Variants in UBE2E2 observed in about 807,000 individuals in gnomAD.
UBE2E2 encodes the protein ubiquitin-conjugating enzyme E2 E2.
Under a neutral mutation model 24.7 loss-of-function variants are expected in UBE2E2, and 6 were observed. The observed-to-expected ratio is 0.24, with a 90% confidence interval of 0.13 to 0.48. UBE2E2 has a LOEUF of 0.48. Ranked by LOEUF, UBE2E2 falls within the 20% of genes least tolerant of loss-of-function variation. UBE2E2 has a pLI of 0.99. For missense variants in UBE2E2, 169 were observed against 245.0 expected (o/e 0.69, Z 2.07); for synonymous variants, 104 against 83.6 (o/e 1.24, Z -1.33).
At chr3:23,318,173 T>TAATG (rs1370509779) in intron 3 of UBE2E2, among the ~76,000 whole-genome samples, 59 of 152,104 alleles carry the variant, frequency 3.9e-4, no homozygotes, top group African/African-American at 1.3e-3. Flanking sequence ...TTTTTTTTAT[T>TAATG]AATGAATGAA....
At chr3:23,443,695 G>A (rs1698356865) in intron 3 of UBE2E2, among the ~76,000 whole-genome samples, 1 of 152,170 alleles carries the variant, frequency 6.6e-6, no homozygotes, top group Non-Finnish European at 1.5e-5. Context: ...ATTGGTGCTG[G>A]TTAGACAGCT....
intron 3 of UBE2E2, among the ~76,000 whole-genome samples, chr3:23,236,779 G>C (rs1213438750): frequency 6.6e-6 from 1 of 152,102 alleles, no homozygotes; most frequent in Admixed American, 6.6e-5. Context: ...ATTTCCTGTG[G>C]ATGTGTGGAC....
chr3:23,279,991 G>C (rs1698452625), intron 3 of UBE2E2, among the ~76,000 whole-genome samples: 1 of 152,172 alleles, frequency 6.6e-6, no homozygotes, highest in South Asian at 2.1e-4. Context: ...ATTCACCAAT[G>C]CTTAAGATCA....
At chr3:23,513,425 A>G (rs1324815965) in intron 4 of UBE2E2, among the ~76,000 whole-genome samples, 1 of 148,870 alleles carries the variant, frequency 6.7e-6, no homozygotes, top group Non-Finnish European at 1.5e-5. Context: ...ACATAATATT[A>G]TATTGAACAA....
chr3:23,372,749 C>T (rs2125341898), intron 3 of UBE2E2, among the ~76,000 whole-genome samples: 1 of 152,052 alleles, frequency 6.6e-6, no homozygotes, highest in South Asian at 2.1e-4. Context: ...TGTTATTTTT[C>T]CGTTAAGATT....
intron 3 of UBE2E2, among the ~76,000 whole-genome samples, chr3:23,455,058 T>G (rs1698648022): frequency 1.3e-5 from 2 of 151,822 alleles, no homozygotes; most frequent in Admixed American, 1.3e-4. Flanking sequence ...ACAAGAATAG[T>G]TTTAATGCAG....
At chr3:23,544,450 T>G (rs934626238) in intron 5 of UBE2E2, among the ~76,000 whole-genome samples, 9 of 152,208 alleles carry the variant, frequency 5.9e-5, no homozygotes, top group Non-Finnish European at 1.5e-5. Flanking sequence ...TATGTAAAAC[T>G]GCTCAACATT....
chr3:23,364,576 A>G (rs1484442697), intron 3 of UBE2E2, among the ~76,000 whole-genome samples: 7 of 152,204 alleles, frequency 4.6e-5, no homozygotes, highest in Non-Finnish European at 1.0e-4. Context: ...TGAACCAGGA[A>G]GAAGTTGAAT....
intron 3 of UBE2E2, among the ~76,000 whole-genome samples, chr3:23,440,880 G>A (rs1020605313): frequency 2.6e-5 from 4 of 152,018 alleles, no homozygotes; most frequent in South Asian, 2.1e-4. Flanking sequence ...TTCTTGTTAC[G>A]GCAATGTAGC....
chr3:23,426,244 G>C (rs1188250385), intron 3 of UBE2E2, among the ~76,000 whole-genome samples: 1 of 151,968 alleles, frequency 6.6e-6, no homozygotes, highest in East Asian at 1.9e-4. Context: ...GAATATCCAA[G>C]AACTGTGGAA....
At chr3:23,366,753 C>T (rs1232410911) in intron 3 of UBE2E2, among the ~76,000 whole-genome samples, 1 of 151,848 alleles carries the variant, frequency 6.6e-6, no homozygotes, top group Non-Finnish European at 1.5e-5. Context: ...GCACGTGTAC[C>T]TCTGAACCTA....
chr3:23,249,750 G>A (rs1231649421), intron 3 of UBE2E2, among the ~76,000 whole-genome samples: 1 of 151,872 alleles, frequency 6.6e-6, no homozygotes, highest in Non-Finnish European at 1.5e-5. Flanking sequence ...CTGCTTTCTG[G>A]GTTCATGCCA....
intron 3 of UBE2E2, among the ~76,000 whole-genome samples, chr3:23,360,186 C>G (rs564830685): frequency 1.4e-4 from 21 of 152,228 alleles, no homozygotes; most frequent in African/African-American, 4.6e-4. Context: ...CAGAGTGACA[C>G]GATGTTCCAA....
intron 3 of UBE2E2, among the ~76,000 whole-genome samples, chr3:23,478,611 C>T (rs967116598): frequency 3.3e-5 from 5 of 151,980 alleles, no homozygotes; most frequent in Non-Finnish European, 7.4e-5. Context: ...TTTTTCTTCC[C>T]GTAGAAGAGA....
At chr3:23,391,490 T>C (rs1340193033) in intron 3 of UBE2E2, among the ~76,000 whole-genome samples, 1 of 152,198 alleles carries the variant, frequency 6.6e-6, no homozygotes, top group Non-Finnish European at 1.5e-5. Flanking sequence ...ATGGCCACTG[T>C]CACAGGAGGC....
intron 3 of UBE2E2, chr3:23,273,753 A>G (rs1698312362): frequency 6.6e-6 from 1 of 152,278 alleles, no homozygotes; most frequent in African/African-American, 2.4e-5. Flanking sequence ...CCTGGTTTCC[A>G]GTATTATTTT....
intron 3 of UBE2E2, among the ~76,000 whole-genome samples, chr3:23,310,819 G>C (rs537886708): frequency 9.9e-5 from 15 of 152,232 alleles, no homozygotes; most frequent in African/African-American, 3.6e-4. Flanking sequence ...CATCACTAAG[G>C]ATAAGATAAT....
intron 3 of UBE2E2, among the ~76,000 whole-genome samples, chr3:23,308,752 A>T (rs893986351): frequency 6.6e-6 from 1 of 152,182 alleles, no homozygotes; most frequent in East Asian, 1.9e-4. Flanking sequence ...GCTATTACAT[A>T]GGTGAAGCCC....
chr3:23,210,619 T>C (rs926376914), intron 2 of UBE2E2, among the ~76,000 whole-genome samples: 1 of 152,216 alleles, frequency 6.6e-6, no homozygotes, highest in East Asian at 1.9e-4. Context: ...ATATAGAAGA[T>C]ATTTTTCTGC....
Sources: allele counts gnomAD v4.1 joint callset (sites outside exome capture counted in the v4.1 genomes callset), GRCh38; gene constraint gnomAD v4.1.1; transcripts MANE v1.5; gene names NCBI Gene and HGNC (gene_info 2026-07-23, HGNC 2026-07-21).